CYLC2: variants seen among roughly 807,000 people sequenced by gnomAD.
CYLC2 encodes the protein cylicin-2.
A neutral mutation model predicts 26.1 loss-of-function variants in CYLC2; 30 were observed. That is an observed-to-expected ratio of 1.15 (90% CI 0.86 to 1.56). CYLC2 has a LOEUF of 1.56. Among genes scored for constraint, CYLC2 ranks in the 40% most tolerant of loss-of-function variants. CYLC2 has a pLI of 0.00. For missense variants in CYLC2, 498 were observed against 394.4 expected, an observed-to-expected ratio of 1.26 and a Z score of -2.23; for synonymous variants, 158 against 132.8, an observed-to-expected ratio of 1.19 and a Z score of -1.31.
At chr9:103,004,091 A>G (rs952567222) in intron 3 of CYLC2, among the ~76,000 whole-genome samples, 1 of 152,072 alleles carries the variant, frequency 6.6e-6, no homozygotes, top group Non-Finnish European at 1.5e-5. Context: ...AGTTTTGTAC[A>G]TATTTAATTA....
chr9:103,013,151 A>AT (rs1564100285), intron 6 of CYLC2, among the ~76,000 whole-genome samples: 2 of 35,118 alleles, frequency 5.7e-5, no homozygotes, highest in African/African-American at 9.2e-5. Flanking sequence ...TATATCATAT[A>AT]TAAATATATA....
At chr9:103,009,799 A>G (rs1158603056) in intron 5 of CYLC2, among the ~76,000 whole-genome samples, 2 of 152,044 alleles carry the variant, frequency 1.3e-5, no homozygotes, top group South Asian at 4.1e-4. Context: ...AACAAATGAG[A>G]GAGAACATGC....
chr9:103,014,842 T>C (rs563535544), intron 6 of CYLC2, among the ~76,000 whole-genome samples: 2 of 113,694 alleles, frequency 1.8e-5, no homozygotes, highest in Non-Finnish European at 3.6e-5. Flanking sequence ...TATACGTATG[T>C]ATATTATGCA....
In CYLC2 at chr9:103,014,408, C is replaced by T. The variant is rs1212274463; in HGVS notation, c.*816+2311C>T. On this transcript the variant is annotated intron_variant, in intron 6 of 7. Coordinates refer to ENST00000374798, the MANE Select transcript of CYLC2 (RefSeq NM_001340.5). ...ACGTAATATAACATAATGTATGTTA[C>T]GTAATGTAACATAATAACATAATGT... Among the ~76,000 whole-genome samples, 6 of 68,750 alleles carry T rather than the reference C, an allele frequency of 8.7e-5. 1 individual carries two copies. Among genetic ancestry groups the T allele is most frequent in the South Asian group, 8.7e-4 (1 of 1,152 alleles). 45.1% of individuals were successfully genotyped at this position (68,750 alleles called of 152,430 possible).
chr9:102,997,579 C>A (rs1829250396), intron 1 of CYLC2, among the ~76,000 whole-genome samples: 2 of 151,876 alleles, frequency 1.3e-5, no homozygotes, highest in South Asian at 4.1e-4. Flanking sequence ...TCTACCATGT[C>A]TTTTATGGTC....
rs1485411875 is a variant in CYLC2 at position 103,003,247 on chromosome 9, G to A, written c.164G>A (p.Arg55Gln). 1.9e-5 allele frequency: 30 copies of A among 1,612,840 alleles called. No individual in the cohort carries two copies. The highest frequency in any genetic ancestry group is 4.4e-5 in the South Asian group (4 of 90,936). Residue 55 changes from arginine to glutamine, a missense_variant, in exon 3 of 8, where the codon CGG becomes CAG. Physicochemically the swap from Arg to Gln is conservative, Grantham distance 43. Coordinates refer to ENST00000374798, the MANE Select transcript of CYLC2 (RefSeq NM_001340.5). ...TKRRSKPSQI[R>Q]DNTVSIIDEE... ...AGGAGATCAAAACCTTCTCAAATAC[G>A]GGACAACACGGTTTCTGTAAGCATT... is the stretch of plus-strand genomic sequence containing the variant.
At chr9:103,012,454 T>C (rs1453411567) in intron 6 of CYLC2, among the ~76,000 whole-genome samples, 1 of 152,070 alleles carries the variant, frequency 6.6e-6, no homozygotes, top group Non-Finnish European at 1.5e-5. Context: ...CACCGAATAT[T>C]TTCTAAGGGA....
At chr9:102,999,722 G>T (rs1190435962) in intron 1 of CYLC2, among the ~76,000 whole-genome samples, 1 of 151,740 alleles carries the variant, frequency 6.6e-6, no homozygotes, top group Admixed American at 6.6e-5. Flanking sequence ...ATACTGAAAT[G>T]ATCAGATGAT....
chr9:103,004,876 A>G lies in CYLC2; in HGVS notation c.337+25A>G, dbSNP rs376392355. 6.1e-5 allele frequency: 98 copies of G among 1,595,314 alleles called. No homozygotes were observed. In the African/African-American group the frequency reaches 1.2e-3, roughly 19 times the overall value. On this transcript the variant is annotated intron_variant, in intron 4 of 7. Transcript: ENST00000374798. ...GGTAGAGATAACTTACTGTTTTTATAGTATCTCTGTAATTTTCTGATTAGA... is the reference window on the plus strand; with the variant it reads ...GGTAGAGATAACTTACTGTTTTTATGGTATCTCTGTAATTTTCTGATTAGA...
chr9:103,005,130 G>A lies in CYLC2; in HGVS notation c.499G>A (p.Asp167Asn), dbSNP rs267602064. Reference sequence around the variant, plus strand: ...GAAAGATAGCAAAAAAGGTAAAAAGGATGCAGAGAAGGGCAAAGACTCAGC... The same window carrying A: ...GAAAGATAGCAAAAAAGGTAAAAAGAATGCAGAGAAGGGCAAAGACTCAGC... ...AKKDSKKGKK[D>N]AEKGKDSATE... Residue 167 changes from aspartate to asparagine, a missense_variant, in exon 5 of 8, where the codon GAT becomes AAT. By Grantham distance (23) the Asp-to-Asn change is conservative. Transcript: ENST00000374798. The A allele has an allele frequency of 6.2e-7, 1 of 1,608,256 alleles. No individual in the cohort carries two copies. Among genetic ancestry groups the A allele is most frequent in the Non-Finnish European group, 8.5e-7 (1 of 1,177,988 alleles).
intron 6 of CYLC2, among the ~76,000 whole-genome samples, chr9:103,016,161 T>C (rs981116278): frequency 6.6e-6 from 1 of 151,910 alleles, no homozygotes; most frequent in Non-Finnish European, 1.5e-5. Context: ...CTATCTGGTA[T>C]ATTAAAAATG....
In CYLC2 at chr9:103,006,061, C is replaced by CACACACACACAA. The variant is rs1829346262; in HGVS notation, c.*394_*395insAACACACACACA. The CACACACACACAA allele has an allele frequency of 1.5e-5, 2 of 134,852 alleles. No individual in the cohort carries two copies. Among genetic ancestry groups the CACACACACACAA allele is most frequent in the African/African-American group, 6.2e-5 (2 of 32,504 alleles). The allele number at this position is 134,852 out of a possible 1,614,324, so 8.4% of individuals were successfully genotyped here. ...ACACACACACACACACACACACACACACACACACACAGTTTAATGAAGGCT... is the reference window on the plus strand; with the variant it reads ...ACACACACACACACACACACACACACACACACACACAAACACACACACAGTTTAATGAAGGCT... On this transcript the variant is annotated 3_prime_UTR_variant, in exon 5 of 8. Coordinates refer to ENST00000374798, the MANE Select transcript of CYLC2 (RefSeq NM_001340.5).
chr9:103,015,497 CATATAA>C (rs1829493889), intron 6 of CYLC2, among the ~76,000 whole-genome samples: 1 of 133,588 alleles, frequency 7.5e-6, no homozygotes, highest in Non-Finnish European at 1.6e-5. Flanking sequence ...AATTATATAA[CATATAA>C]ATATATATAA....
intron 6 of CYLC2, among the ~76,000 whole-genome samples, chr9:103,014,624 T>G (rs139960919): frequency 9.8e-6 from 1 of 101,700 alleles, no homozygotes; most frequent in Non-Finnish European, 2.0e-5. Flanking sequence ...ATGTATATTA[T>G]GCAGTATACA....
At chr9:102,996,657 G>A (rs1037871943) in intron 1 of CYLC2, among the ~76,000 whole-genome samples, 1 of 151,796 alleles carries the variant, frequency 6.6e-6, no homozygotes, top group Non-Finnish European at 1.5e-5. Context: ...ATTAATTTTC[G>A]ACTCCATTTG....
intron 6 of CYLC2, among the ~76,000 whole-genome samples, chr9:103,014,091 T>C (rs1040361878): frequency 7.7e-4 from 92 of 119,372 alleles, no homozygotes; most frequent in African/African-American, 2.9e-3. Context: ...ATATTTAATA[T>C]ATAAAATTAA....
At chr9:103,010,403 C>T (rs538791272) in intron 5 of CYLC2, among the ~76,000 whole-genome samples, 6 of 152,196 alleles carry the variant, frequency 3.9e-5, no homozygotes, top group African/African-American at 7.2e-5. Flanking sequence ...ATTTGCTAAA[C>T]GCTTTCCTCG....
Position 103,005,713 on chromosome 9 carries a change from C to A in CYLC2, c.*35C>A. 1 of 1,567,092 alleles carries A rather than the reference C, an allele frequency of 6.4e-7. No homozygotes were observed. The highest frequency in any genetic ancestry group is 1.2e-5 in the South Asian group (1 of 82,888). On this transcript the variant is annotated 3_prime_UTR_variant, in exon 5 of 8. Transcript: ENST00000374798. ...AAGAATTTGAACCGAAAGAATAATTCAAAAGCATATTTGATGAAACAATAG... is the reference window on the plus strand; with the variant it reads ...AAGAATTTGAACCGAAAGAATAATTAAAAAGCATATTTGATGAAACAATAG...
At position 103,004,749 on chromosome 9, in the gene CYLC2, C is replaced by A; in HGVS notation, c.235C>A (p.Arg79Ser). 2 of 1,608,372 alleles carry A rather than the reference C, an allele frequency of 1.2e-6. No individual in the cohort carries two copies. The highest frequency in any genetic ancestry group is 1.7e-6 in the Non-Finnish European group (2 of 1,177,056). The change falls in exon 4 of 8, where the codon CGT becomes AGT. Residue 79 changes from arginine to serine, a missense_variant. Transcript: ENST00000374798. ...GDRRQPLWMY[R>S]SLMRISERPS... ...TCGTAGACAACCATTATGGATGTACCGTTCTTTAATGAGAATTTCTGAGAG... is the reference window on the plus strand; with the variant it reads ...TCGTAGACAACCATTATGGATGTACAGTTCTTTAATGAGAATTTCTGAGAG...
Sources: allele counts gnomAD v4.1 joint callset (sites outside exome capture counted in the v4.1 genomes callset), GRCh38; gene constraint gnomAD v4.1.1; transcripts MANE v1.5; gene names NCBI Gene and HGNC (gene_info 2026-07-23, HGNC 2026-07-21).